UNC5D: variants seen among roughly 807,000 people sequenced by gnomAD.
UNC5D encodes unc-5 netrin receptor D, also known as netrin receptor UNC5D.
In UNC5D, 39 loss-of-function variants were observed where a neutral mutation model predicts 105.4. The ratio of observed to expected loss-of-function variants is 0.37; its 90% CI spans 0.29 to 0.48. UNC5D has a LOEUF of 0.48. UNC5D is among the 20% of genes least tolerant of loss of function. The pLI is 0.98. For synonymous variants in UNC5D, 452 were observed against 450.4 expected (o/e 1.00, Z -0.04); for missense variants, 991 against 1,202.4 (o/e 0.82, Z 2.60).
chr8:35,666,085 A>G (rs1279187042), intron 4 of UNC5D, among the ~76,000 whole-genome samples: 1 of 152,020 alleles, frequency 6.6e-6, no homozygotes, highest in Non-Finnish European at 1.5e-5. Context: ...TTGACCCTCC[A>G]AGTGCCCTGA....
chr8:35,781,136 A>G (rs1320900344), intron 16 of UNC5D, among the ~76,000 whole-genome samples: 6 of 152,112 alleles, frequency 3.9e-5, no homozygotes, highest in Admixed American at 2.0e-4. Flanking sequence ...TCCAAAATTT[A>G]AAAAGCCCTT....
At chr8:35,276,369 A>G (rs1426761433) in intron 1 of UNC5D, among the ~76,000 whole-genome samples, 1 of 152,218 alleles carries the variant, frequency 6.6e-6, no homozygotes, top group African/African-American at 2.4e-5. Flanking sequence ...ACAGCTAATA[A>G]ATAACCCATC....
intron 13 of UNC5D, among the ~76,000 whole-genome samples, chr8:35,753,359 C>T (rs1830375270): frequency 6.6e-6 from 1 of 152,092 alleles, no homozygotes; most frequent in Non-Finnish European, 1.5e-5. Flanking sequence ...ACCTCCACCT[C>T]CCGGGTTCAC....
At chr8:35,340,231 A>C (rs142694232) in intron 1 of UNC5D, among the ~76,000 whole-genome samples, 207 of 152,244 alleles carry the variant, frequency 1.4e-3, no homozygotes, top group African/African-American at 4.8e-3. Flanking sequence ...ACTTGGTCAC[A>C]ATAGTCTAGA....
chr8:35,499,731 G>A (rs1563476534), intron 1 of UNC5D, among the ~76,000 whole-genome samples: 2 of 152,144 alleles, frequency 1.3e-5, no homozygotes, highest in African/African-American at 2.4e-5. Context: ...TAAGCAGCAT[G>A]GAACAGACCT....
intron 1 of UNC5D, among the ~76,000 whole-genome samples, chr8:35,422,668 T>G (rs533406491): frequency 1.3e-5 from 2 of 152,332 alleles, no homozygotes; most frequent in African/African-American, 2.4e-5. Flanking sequence ...TTGGACATGG[T>G]TTGGCATCAC....
chr8:35,739,840 G>A (rs1829667808), intron 11 of UNC5D, among the ~76,000 whole-genome samples: 1 of 152,052 alleles, frequency 6.6e-6, no homozygotes, highest in African/African-American at 2.4e-5. Flanking sequence ...AAAGACACCA[G>A]CCCACACAGA....
intron 7 of UNC5D, among the ~76,000 whole-genome samples, chr8:35,701,866 T>C (rs769107585): frequency 3.5e-4 from 53 of 149,894 alleles, no homozygotes; most frequent in Admixed American, 4.7e-4. Context: ...GTGCTGGAAT[T>C]ATGCTTTTTT....
intron 4 of UNC5D, among the ~76,000 whole-genome samples, chr8:35,622,129 G>A (rs1186432389): frequency 6.6e-6 from 1 of 152,148 alleles, no homozygotes; most frequent in East Asian, 1.9e-4. Flanking sequence ...AGATCATGAA[G>A]TCAAGAGATC....
chr8:35,465,117 G>A (rs367643748), intron 1 of UNC5D, among the ~76,000 whole-genome samples: 2 of 152,180 alleles, frequency 1.3e-5, no homozygotes, highest in Non-Finnish European at 2.9e-5. Flanking sequence ...TTGGCTGGGC[G>A]CGGTGGCTCA....
chr8:35,493,170 G>A (rs1473959479), intron 1 of UNC5D, among the ~76,000 whole-genome samples: 1 of 149,992 alleles, frequency 6.7e-6, no homozygotes, highest in Non-Finnish European at 1.5e-5. Context: ...GCATGCCTAA[G>A]CACTTTACTT....
At chr8:35,243,186 T>C (rs941651594) in intron 1 of UNC5D, among the ~76,000 whole-genome samples, 5 of 152,206 alleles carry the variant, frequency 3.3e-5, no homozygotes, top group South Asian at 2.1e-4. Context: ...TTTTCAATAT[T>C]GTTTTTTCTT....
intron 3 of UNC5D, among the ~76,000 whole-genome samples, chr8:35,586,937 T>G (rs899692444): frequency 2.6e-5 from 4 of 152,196 alleles, no homozygotes; most frequent in African/African-American, 9.7e-5. Flanking sequence ...ACAATGACTT[T>G]TCTAACATAG....
At chr8:35,242,641 C>A (rs1455961023) in intron 1 of UNC5D, among the ~76,000 whole-genome samples, 1 of 152,014 alleles carries the variant, frequency 6.6e-6, no homozygotes, top group Admixed American at 6.6e-5. Context: ...TTGTGCCTGG[C>A]TAATGTTTGT....
At chr8:35,542,157 C>A (rs1815323353) in intron 1 of UNC5D, among the ~76,000 whole-genome samples, 1 of 152,114 alleles carries the variant, frequency 6.6e-6, no homozygotes, top group Non-Finnish European at 1.5e-5. Flanking sequence ...TAAAAATAAA[C>A]AAGAAACTTT....
intron 1 of UNC5D, among the ~76,000 whole-genome samples, chr8:35,505,262 G>T (rs1465778668): frequency 6.6e-6 from 1 of 152,208 alleles, no homozygotes; most frequent in Non-Finnish European, 1.5e-5. Context: ...AATGTGGCAA[G>T]GCTTAATGCA....
intron 4 of UNC5D, among the ~76,000 whole-genome samples, chr8:35,599,784 A>G (rs541135371): frequency 6.6e-6 from 1 of 152,304 alleles, no homozygotes; most frequent in African/African-American, 2.4e-5. Flanking sequence ...ACAACTAAAG[A>G]AATAAAAATA....
intron 1 of UNC5D, among the ~76,000 whole-genome samples, chr8:35,362,318 T>A (rs1801899279): frequency 6.6e-6 from 1 of 152,230 alleles, no homozygotes; most frequent in Non-Finnish European, 1.5e-5. Context: ...TTTTCCTTTT[T>A]GCAAATGCAC....
At chr8:35,239,752 T>TCCTC (rs1802689398) in intron 1 of UNC5D, among the ~76,000 whole-genome samples, 1 of 152,100 alleles carries the variant, frequency 6.6e-6, no homozygotes, top group African/African-American at 2.4e-5. Flanking sequence ...TTCTCTTCCT[T>TCCTC]CCTCCTCCTT....
Sources: gnomAD v4.1 joint callset for allele counts (sites outside exome capture counted in the v4.1 genomes callset) on GRCh38, gnomAD v4.1.1 for gene constraint, MANE v1.5 for transcripts, NCBI Gene and HGNC (gene_info 2026-07-23, HGNC 2026-07-21) for gene names.